Variants in EML5 observed in about 807,000 individuals in gnomAD.
EML5 encodes the protein echinoderm microtubule-associated protein-like 5.
EML5 carries 120 observed loss-of-function variants against 250.0 expected under a neutral mutation model. That is an observed-to-expected ratio of 0.48 (90% CI 0.41 to 0.56). The LOEUF is 0.56. EML5 is among the 20% of genes least tolerant of loss of function. The probability of loss-of-function intolerance (pLI) is 0.00; values close to 1 mark genes in which losing one functional copy is unlikely to be tolerated. For missense variants in EML5, 2,006 were observed against 2,437.6 expected (o/e 0.82, Z 3.73); for synonymous variants, 771 against 806.5 (o/e 0.96, Z 0.75).
chr14:88,629,945 G>A (rs1009499437), intron 33 of EML5, among the ~76,000 whole-genome samples: 1 of 151,490 alleles, frequency 6.6e-6, no homozygotes, highest in Admixed American at 6.6e-5. Flanking sequence ...ATTTTTAATT[G>A]GGTCTTACAA....
chr14:88,691,123 G>C (rs1486441740), intron 17 of EML5, among the ~76,000 whole-genome samples: 1 of 152,178 alleles, frequency 6.6e-6, no homozygotes, highest in Non-Finnish European at 1.5e-5. Flanking sequence ...TCTCAGTCTA[G>C]TAGTTGCCCC....
chr14:88,728,658 G>A (rs932575637), intron 7 of EML5, among the ~76,000 whole-genome samples: 5 of 152,058 alleles, frequency 3.3e-5, no homozygotes, highest in Non-Finnish European at 5.9e-5. Context: ...ACGATCTCAG[G>A]GGTGGCAGAG....
rs115388695 is a variant in EML5 at position 88,643,872 on chromosome 14, G to A, written c.4107+561C>T. On this transcript the variant is annotated intron_variant, in intron 30 of 43. Transcript: ENST00000554922. ...GGAGGGAACGACAGCAATCACCATCGCACAGCTTTACGCCTTGTTTACGTT... is the reference window on the plus strand; with the variant it reads ...GGAGGGAACGACAGCAATCACCATCACACAGCTTTACGCCTTGTTTACGTT... 2.7e-3 allele frequency among the ~76,000 whole-genome samples: 414 copies of A among 152,258 alleles called. 2 individuals are homozygous for A. Among genetic ancestry groups the A allele is most frequent in the African/African-American group, 9.5e-3 (395 of 41,544 alleles).
chr14:88,627,509 C>G (rs2090090786), intron 34 of EML5, 137 bp downstream of exon 34: 2 of 775,450 alleles, frequency 2.6e-6, no homozygotes, highest in East Asian at 5.5e-5. Flanking sequence ...TACAGTACCA[C>G]TGTGTACAGT....
chr14:88,621,000 C>T lies in EML5; in HGVS notation c.5203-74G>A. 6.1e-6 allele frequency: 9 copies of T among 1,469,096 alleles called. No individual in the cohort carries two copies. The highest frequency in any genetic ancestry group is 8.1e-6 in the Non-Finnish European group (9 of 1,111,514). 91.0% of individuals were successfully genotyped at this position (1,469,096 alleles called of 1,614,324 possible). On this transcript the variant is annotated intron_variant, in intron 38 of 43. Transcript: ENST00000554922. This position sits in a 1 kb window ranked among gnomAD's most constrained non-coding sequence, Gnocchi z 4.3. ...AGTACTTCTAAATTATACCAGTTTCCCCTCAAAATGCTCAACAGAATTCTG... is the reference window on the plus strand; with the variant it reads ...AGTACTTCTAAATTATACCAGTTTCTCCTCAAAATGCTCAACAGAATTCTG...
intron 36 of EML5, 172 bp downstream of exon 36, chr14:88,624,797 AC>A (rs2089666935): frequency 2.7e-6 from 2 of 740,142 alleles, no homozygotes; most frequent in Non-Finnish European, 4.2e-6. Context: ...GTGAATTAAG[AC>A]CAGAAATGAG....
chr14:88,713,441 C>A (rs1399576652), intron 9 of EML5, among the ~76,000 whole-genome samples: 2 of 151,858 alleles, frequency 1.3e-5, no homozygotes, highest in Non-Finnish European at 2.9e-5. Flanking sequence ...TGCTTTTATT[C>A]CATCCATTCA....
At chr14:88,708,037 G>C (rs1443636815) in intron 10 of EML5, among the ~76,000 whole-genome samples, 2 of 152,188 alleles carry the variant, frequency 1.3e-5, no homozygotes, top group Non-Finnish European at 2.9e-5. Context: ...CCGAGTGATA[G>C]AGAGAGGTAC....
At chr14:88,757,988 G>A (rs1016819317) in intron 1 of EML5, among the ~76,000 whole-genome samples, 1 of 150,362 alleles carries the variant, frequency 6.7e-6, no homozygotes, top group Non-Finnish European at 1.5e-5. Flanking sequence ...AAGTAGCTGA[G>A]ACTACAGGTG....
intron 8 of EML5, among the ~76,000 whole-genome samples, chr14:88,716,186 TG>T (rs1480758438): frequency 3.2e-4 from 48 of 152,308 alleles, no homozygotes; most frequent in African/African-American, 1.1e-3. Flanking sequence ...TATACAGCTG[TG>T]GGCCTGTTAA....
At chr14:88,788,722 A>G (rs917664796) in intron 1 of EML5, among the ~76,000 whole-genome samples, 2 of 151,994 alleles carry the variant, frequency 1.3e-5, no homozygotes, top group Non-Finnish European at 2.9e-5. Context: ...ATCTTGCAAA[A>G]ATTTGCTTAC....
At chr14:88,721,502 A>G (rs780596506) in intron 8 of EML5, among the ~76,000 whole-genome samples, 7 of 152,184 alleles carry the variant, frequency 4.6e-5, no homozygotes, top group Non-Finnish European at 8.8e-5. Flanking sequence ...ACCTGACAAA[A>G]ACAAGCAAGG....
rs1435678998 is a variant in EML5 at position 88,614,675 on chromosome 14, C to G, written c.*1143G>C. ...TTCAGGAAACTACAGATAGGCTAGA[C>G]AGCGAATTCCTGAATGATGAGTAGT... On this transcript the variant is annotated 3_prime_UTR_variant, in exon 44 of 44. Transcript: ENST00000554922. 6.6e-6 allele frequency: 1 copy of G among 152,120 alleles called. No individual in the cohort carries two copies. Among genetic ancestry groups the G allele is most frequent in the Admixed American group, 6.5e-5 (1 of 15,274 alleles). The allele number at this position is 152,120 out of a possible 1,614,324, so 9.4% of individuals were successfully genotyped here.
In EML5 at chr14:88,728,584, G is replaced by A. The variant is rs565091455; in HGVS notation, c.1050-1906C>T. ...TAAGTAGAAGTGGATCATCATAAAA[G>A]TCTACATCCTCATCATCTTCACATT... On this transcript the variant is annotated intron_variant, in intron 7 of 43. Transcript: ENST00000554922. Among the ~76,000 whole-genome samples the A allele has an allele frequency of 2.0e-3, 300 of 152,268 alleles. 2 individuals carry two copies. Among genetic ancestry groups the A allele is most frequent in the Middle Eastern group, 6.8e-3 (2 of 294 alleles).
chr14:88,641,925 C>T (rs1469302871), intron 31 of EML5, among the ~76,000 whole-genome samples: 3 of 152,198 alleles, frequency 2.0e-5, no homozygotes, highest in Non-Finnish European at 4.4e-5. Context: ...CTCATTCTCT[C>T]TGAAGGACAG....
intron 7 of EML5, among the ~76,000 whole-genome samples, chr14:88,729,646 G>A (rs987366971): frequency 2.6e-5 from 4 of 151,244 alleles, no homozygotes; most frequent in Admixed American, 6.6e-5. Context: ...TGCAACCTCC[G>A]CCTCCCAGGT....
In EML5 at chr14:88,738,891, G is replaced by C. The variant is rs1218865642; in HGVS notation, c.835C>G (p.Gln279Glu). 6.4e-7 allele frequency: 1 copy of C among 1,571,040 alleles called. No homozygotes were observed. The highest frequency in any genetic ancestry group is 8.6e-7 in the Non-Finnish European group (1 of 1,157,286). The change falls in exon 6 of 44, where the codon CAG becomes GAG. Residue 279 changes from glutamine to glutamate, a missense_variant. Physicochemically the swap from Gln to Glu is conservative, Grantham distance 29 (BLOSUM62 2). Transcript: ENST00000554922. ...GTTTTGTTATTACCTTTGTATCCCT[G>C]GTCTGTTTCCCTGAGATCAATCACA... ...ITVIDLRETD[Q>E]GYKGLSVRSV... is the part of the protein sequence containing the mutation.
intron 33 of EML5, among the ~76,000 whole-genome samples, chr14:88,632,938 T>C (rs2090520490): frequency 1.3e-5 from 2 of 152,206 alleles, no homozygotes; most frequent in African/African-American, 4.8e-5. Context: ...ATCCCTGGCA[T>C]GAGGGTGTTG....
chr14:88,763,663 G>A lies in EML5; in HGVS notation c.198-8992C>T, dbSNP rs111452599. 1.9e-3 allele frequency among the ~76,000 whole-genome samples: 290 copies of A among 152,138 alleles called. 1 individual carries two copies. Among genetic ancestry groups the A allele is most frequent in the Admixed American group, 5.8e-3 (89 of 15,276 alleles). The stretch of plus-strand genomic sequence containing the variant: ...TCTCCCTAACCCATTTTATGAGGCC[G>A]GCATCATCCTGATACCAAAACATGG... On this transcript the variant is annotated intron_variant, in intron 1 of 43. Transcript: ENST00000554922.
Sources: allele counts gnomAD v4.1 joint callset (sites outside exome capture counted in the v4.1 genomes callset), GRCh38; gene constraint gnomAD v4.1.1; non-coding constraint Gnocchi (gnomAD v3.1); transcripts MANE v1.5; gene names NCBI Gene and HGNC (gene_info 2026-07-23, HGNC 2026-07-21).